TMEM217B: variants seen among roughly 807,000 people sequenced by gnomAD.
TMEM217B encodes putative transmembrane protein 217B.
At chr6:37,252,613 G>A in the TMEM217B span, among the ~76,000 whole-genome samples, 179 of 89,994 alleles carry the variant, frequency 2.0e-3, no homozygotes, top group African/African-American at 6.8e-3. Context: ...GTGTGTATGT[G>A]TGTGTATATA....
At chr6:37,257,980 C>T in the TMEM217B span, 6 of 1,613,950 alleles carry the variant, frequency 3.7e-6, no homozygotes, top group Non-Finnish European at 5.1e-6. Flanking sequence ...GGAGGTGAGC[C>T]CAGGACGCTG....
At chr6:37,228,910 T>C in the TMEM217B span, among the ~76,000 whole-genome samples, 30 of 151,460 alleles carry the variant, frequency 2.0e-4, no homozygotes, top group African/African-American at 7.1e-4. Context: ...GGCAGGAGAA[T>C]GGCGTGAACC....
the TMEM217B span, among the ~76,000 whole-genome samples, chr6:37,250,425 G>A: frequency 1.6e-4 from 24 of 152,240 alleles, no homozygotes; most frequent in Admixed American, 1.3e-3. Context: ...TATATTTAGC[G>A]TCCCATGAAA....
the TMEM217B span, among the ~76,000 whole-genome samples, chr6:37,225,500 TAA>T: frequency 3.3e-5 from 5 of 151,928 alleles, no homozygotes; most frequent in Admixed American, 6.6e-5. Context: ...AGGAAAAAAA[TAA>T]AAAGAGTGGA....
the TMEM217B span, chr6:37,218,394 C>T: frequency 6.6e-7 from 1 of 1,516,964 alleles, no homozygotes; most frequent in Non-Finnish European, 9.0e-7. Context: ...CCAGGCTGGT[C>T]TTGAACTCCT....
chr6:37,256,240 G>T, the TMEM217B span, among the ~76,000 whole-genome samples: 8 of 152,202 alleles, frequency 5.3e-5, no homozygotes, highest in African/African-American at 1.9e-4. Flanking sequence ...ACTCTGAACT[G>T]CTGGTTGCCA....
At chr6:37,247,253 A>G in the TMEM217B span, among the ~76,000 whole-genome samples, 2 of 152,158 alleles carry the variant, frequency 1.3e-5, no homozygotes, top group Non-Finnish European at 2.9e-5. Flanking sequence ...TTTAGTTTGG[A>G]TTCTCCAAGA....
At chr6:37,221,439 G>T in the TMEM217B span, among the ~76,000 whole-genome samples, 3 of 151,926 alleles carry the variant, frequency 2.0e-5, no homozygotes, top group Non-Finnish European at 4.4e-5. Flanking sequence ...CTCCCACCTC[G>T]GCCTCCCAAA....
At chr6:37,225,148 C>A in the TMEM217B span, among the ~76,000 whole-genome samples, 1 of 151,636 alleles carries the variant, frequency 6.6e-6, no homozygotes, top group Non-Finnish European at 1.5e-5. Context: ...TGCAGTGAGC[C>A]AAGATTGTGA....
the TMEM217B span, among the ~76,000 whole-genome samples, chr6:37,221,290 G>A: frequency 2.0e-5 from 3 of 151,858 alleles, no homozygotes; most frequent in Non-Finnish European, 2.9e-5. Flanking sequence ...GGGTTCAAGC[G>A]ATTCTCGTGC....
chr6:37,234,772 T>A, the TMEM217B span, among the ~76,000 whole-genome samples: 1 of 151,888 alleles, frequency 6.6e-6, no homozygotes, highest in Non-Finnish European at 1.5e-5. Flanking sequence ...GGTATACACA[T>A]GTAATTTTGA....
the TMEM217B span, among the ~76,000 whole-genome samples, chr6:37,225,025 A>C: frequency 6.6e-6 from 1 of 151,300 alleles, no homozygotes; most frequent in Non-Finnish European, 1.5e-5. Context: ...AAAAAAAAAA[A>C]ACACCACCAC....
the TMEM217B span, among the ~76,000 whole-genome samples, chr6:37,236,824 G>C: frequency 6.8e-3 from 1,038 of 152,338 alleles, 18 homozygotes; most frequent in African/African-American, 0.024. Flanking sequence ...GACAGGGCAT[G>C]TCCAGGATGA....
At chr6:37,229,942 G>A in the TMEM217B span, among the ~76,000 whole-genome samples, 1 of 152,216 alleles carries the variant, frequency 6.6e-6, no homozygotes, top group Admixed American at 6.5e-5. Context: ...TCCTGGGCTA[G>A]CGGGACCCTT....
chr6:37,228,483 C>T, the TMEM217B span, among the ~76,000 whole-genome samples: 1 of 152,234 alleles, frequency 6.6e-6, no homozygotes, highest in African/African-American at 2.4e-5. Flanking sequence ...GTGGGTGGAT[C>T]ACCTGAAGTC....
chr6:37,227,958 A>G, the TMEM217B span, among the ~76,000 whole-genome samples: 2 of 152,092 alleles, frequency 1.3e-5, no homozygotes, highest in South Asian at 2.1e-4. Flanking sequence ...AGGAACACAG[A>G]AAAAAAAGTT....
chr6:37,212,608 A>G, the TMEM217B span: 32 of 491,134 alleles, frequency 6.5e-5, no homozygotes, highest in African/African-American at 4.3e-4. Flanking sequence ...GATCCAGTGC[A>G]AATAACTCAG....
At chr6:37,216,472 T>C in the TMEM217B span, among the ~76,000 whole-genome samples, 4 of 152,002 alleles carry the variant, frequency 2.6e-5, no homozygotes, top group African/African-American at 9.7e-5. Flanking sequence ...GTTGAGAGGC[T>C]ATGGAAGGAA....
the TMEM217B span, among the ~76,000 whole-genome samples, chr6:37,256,389 C>T: frequency 1.3e-5 from 2 of 152,316 alleles, no homozygotes; most frequent in South Asian, 4.1e-4. Context: ...CAGTACATCC[C>T]TCTTTGGGCT....
Sources: gnomAD v4.1 joint callset for allele counts (sites outside exome capture counted in the v4.1 genomes callset) on GRCh38, gnomAD v4.1.1 for gene constraint, MANE v1.5 for transcripts, NCBI Gene and HGNC (gene_info 2026-07-23, HGNC 2026-07-21) for gene names.